Variants in KIF16B observed in about 807,000 individuals in gnomAD.
KIF16B encodes the protein kinesin-like protein KIF16B.
Under a neutral mutation model 156.3 loss-of-function variants are expected in KIF16B, and 98 were observed. That is an observed-to-expected ratio of 0.63 (90% confidence interval 0.53 to 0.74). The LOEUF (loss-of-function observed/expected upper bound fraction) is 0.74. Among genes scored for constraint, KIF16B ranks in the 30% least tolerant of loss-of-function variants. The probability of loss-of-function intolerance (pLI) is 0.00; values close to 1 mark genes in which losing one functional copy is unlikely to be tolerated. For synonymous variants in KIF16B, 564 were observed against 583.7 expected, an observed-to-expected ratio of 0.97 and a Z score of 0.49; for missense variants, 1,421 against 1,606.5, an observed-to-expected ratio of 0.88 and a Z score of 1.97.
chr20:16,426,136 T>C (rs962518510), intron 15 of KIF16B, among the ~76,000 whole-genome samples: 3 of 152,186 alleles, frequency 2.0e-5, no homozygotes, highest in Admixed American at 2.0e-4. Flanking sequence ...CAATTCAACA[T>C]GAGATTTGGG....
chr20:16,553,436 C>A (rs1231486292), intron 1 of KIF16B, among the ~76,000 whole-genome samples: 1 of 152,170 alleles, frequency 6.6e-6, no homozygotes, highest in Admixed American at 6.5e-5. Flanking sequence ...GGGTGGGGAT[C>A]GTACCCTTAC....
intron 3 of KIF16B, 113 bp from the exon 4 acceptor site, chr20:16,515,777 A>G (rs1413128602): frequency 1.6e-5 from 10 of 618,310 alleles, no homozygotes; most frequent in Middle Eastern, 2.6e-4. Context: ...GGATTAGACC[A>G]TATAAATAAA....
rs2064894217 is a variant in KIF16B, at chr20:16,374,362, T to C, written c.3245A>G (p.Asp1082Gly). Reference sequence around the variant, plus strand: ...CCCATGATGATCTTTTTGAACACCATCGACCTCATAAATCTTCTGTTTCAG... The same window carrying C: ...CCCATGATGATCTTTTTGAACACCACCGACCTCATAAATCTTCTGTTTCAG... The part of the protein sequence containing the change: ...QQLKQKIYEV[D>G]GVQKDHHGTL... Residue 1082 changes from aspartate (D) to glycine (G), a missense_variant, in exon 20 of 26, where the codon GAT becomes GGT. Coordinates refer to ENST00000354981, the MANE Select transcript of KIF16B (RefSeq NM_024704.5). 1 of 1,601,234 alleles carries C rather than the reference T, an allele frequency of 6.2e-7. No homozygotes were observed. The highest frequency in any genetic ancestry group is 8.5e-7 in the Non-Finnish European group (1 of 1,172,400).
At chr20:16,506,425 A>G (rs2068780667) in intron 7 of KIF16B, among the ~76,000 whole-genome samples, 1 of 152,172 alleles carries the variant, frequency 6.6e-6, no homozygotes, top group Non-Finnish European at 1.5e-5. Flanking sequence ...TTCATTCTCA[A>G]CCAAGCCCTG....
rs1418925021 is a variant in KIF16B at position 16,535,246 on chromosome 20, T to C, written c.48-6806A>G. On this transcript the variant is annotated intron_variant, in intron 1 of 25. Coordinates refer to ENST00000354981, the MANE Select transcript of KIF16B (RefSeq NM_024704.5). ...TAAATTTATTCCCAAGTATTTTTCT[T>C]TGATAGCTACAGTAAATAGGATTGC... is the stretch of plus-strand genomic sequence containing the variant. Among the ~76,000 whole-genome samples, 3 of 152,202 alleles carry C rather than the reference T, an allele frequency of 2.0e-5. 1 individual carries two copies. The highest frequency in any genetic ancestry group is 4.4e-5 in the Non-Finnish European group (3 of 68,028).
intron 25 of KIF16B, among the ~76,000 whole-genome samples, chr20:16,282,377 G>A (rs2063160287): frequency 6.6e-6 from 1 of 152,072 alleles, no homozygotes; most frequent in Non-Finnish European, 1.5e-5. Flanking sequence ...CTTGTGCCAA[G>A]TAACACAGTC....
intron 13 of KIF16B, among the ~76,000 whole-genome samples, chr20:16,429,235 C>G (rs2066436522): frequency 6.6e-6 from 1 of 152,164 alleles, no homozygotes; most frequent in Admixed American, 6.6e-5. Flanking sequence ...GCGTTAAATA[C>G]TTTGCTCATG....
At position 16,563,948 on chromosome 20, in the gene KIF16B, C is replaced by G. The variant is rs192989675; in HGVS notation, c.47+9281G>C. ...TCCCAACTCAAGGTGTCAGCAACAG[C>G]AGCAACTCTCCCCTCCTTTCTCTTT... On this transcript the variant is annotated intron_variant, in intron 1 of 25. Coordinates refer to ENST00000354981, the MANE Select transcript of KIF16B (RefSeq NM_024704.5). Among the ~76,000 whole-genome samples the G allele has an allele frequency of 1.1e-4, 17 of 152,284 alleles. No individual in the cohort carries two copies. The East Asian group carries it at 3.3e-3, about 29-fold the overall frequency.
chr20:16,430,097 G>T (rs1052739172), intron 12 of KIF16B, 115 bp from the exon 13 acceptor site: 2 of 1,119,752 alleles, frequency 1.8e-6, no homozygotes, highest in African/African-American at 1.6e-5. Context: ...CTAAAAAACT[G>T]CAAGAAAAAT....
intron 12 of KIF16B, among the ~76,000 whole-genome samples, chr20:16,491,240 C>A (rs2068280643): frequency 6.6e-6 from 1 of 152,160 alleles, no homozygotes; most frequent in South Asian, 2.1e-4. Context: ...CACCAACCAG[C>A]AGCAGGGCCT....
chr20:16,467,209 G>C (rs1018014205), intron 12 of KIF16B, among the ~76,000 whole-genome samples: 8 of 152,146 alleles, frequency 5.3e-5, no homozygotes, highest in Non-Finnish European at 8.8e-5. Flanking sequence ...GGCAGGGAGA[G>C]GACACTGAGA....
chr20:16,389,433 T>C (rs1006288485), intron 17 of KIF16B, among the ~76,000 whole-genome samples: 2 of 152,202 alleles, frequency 1.3e-5, no homozygotes, highest in Admixed American at 6.5e-5. Flanking sequence ...TATTCCTCAG[T>C]CCAGAGAACC....
intron 25 of KIF16B, among the ~76,000 whole-genome samples, chr20:16,309,748 T>G (rs2063591787): frequency 6.6e-6 from 1 of 152,232 alleles, no homozygotes; most frequent in South Asian, 2.1e-4. Flanking sequence ...GTTGGATAAC[T>G]TCTTTTAAGC....
chr20:16,504,733 T>C (rs1386542173), intron 9 of KIF16B, among the ~76,000 whole-genome samples, 186 bp from the exon 10 acceptor site: 1 of 151,750 alleles, frequency 6.6e-6, no homozygotes, highest in Non-Finnish European at 1.5e-5. Flanking sequence ...AATACAAAAT[T>C]AAGTGTCATT....
intron 12 of KIF16B, among the ~76,000 whole-genome samples, chr20:16,469,909 C>G (rs148729476): frequency 1.3e-5 from 2 of 151,946 alleles, no homozygotes; most frequent in African/African-American, 4.8e-5. Flanking sequence ...ATTGCCAAAT[C>G]GTGGAAGCAA....
chr20:16,281,962 C>T (rs1368268802), intron 25 of KIF16B, among the ~76,000 whole-genome samples: 2 of 151,974 alleles, frequency 1.3e-5, no homozygotes, highest in South Asian at 2.1e-4. Flanking sequence ...CCAATAAGTA[C>T]TTACTGAAAG....
intron 12 of KIF16B, among the ~76,000 whole-genome samples, chr20:16,458,949 C>T (rs2067279086): frequency 6.6e-6 from 1 of 152,102 alleles, no homozygotes; most frequent in Admixed American, 6.5e-5. Flanking sequence ...CAGGATGAAA[C>T]ATAATACAAC....
intron 23 of KIF16B, among the ~76,000 whole-genome samples, chr20:16,351,731 C>G (rs6131814): frequency 1.3e-5 from 2 of 152,140 alleles, no homozygotes; most frequent in Non-Finnish European, 1.5e-5. Context: ...TACTAGGACC[C>G]GCAGGAAGGT....
intron 1 of KIF16B, among the ~76,000 whole-genome samples, chr20:16,565,098 ATATT>A (rs1185114017): frequency 5.9e-5 from 9 of 151,612 alleles, no homozygotes; most frequent in Non-Finnish European, 2.9e-5. Flanking sequence ...CAGTTATTAT[ATATT>A]TATTTATTTC....
Sources: allele counts gnomAD v4.1 joint callset (sites outside exome capture counted in the v4.1 genomes callset), GRCh38; gene constraint gnomAD v4.1.1; transcripts MANE v1.5; gene names NCBI Gene and HGNC (gene_info 2026-07-23, HGNC 2026-07-21).